The following CNKSR2 variants were observed in gnomAD, a reference collection of about 807,000 sequenced individuals.
CNKSR2 encodes connector enhancer of kinase suppressor of Ras 2.
Under a neutral mutation model 84.4 loss-of-function variants are expected in CNKSR2, and 14 were observed. The observed-to-expected ratio is 0.17, with a 90% confidence interval of 0.11 to 0.26. The LOEUF is 0.26. CNKSR2 is among the 10% of genes least tolerant of loss of function. CNKSR2 has a pLI of 1.00. For synonymous variants in CNKSR2, 275 were observed against 277.9 expected, an observed-to-expected ratio of 0.99 and a Z score of 0.10; for missense variants, 485 against 771.2, an observed-to-expected ratio of 0.63 and a Z score of 4.40.
At chrX:21,586,861 C>G (rs1442731163) in intron 13 of CNKSR2, among the ~76,000 whole-genome samples, 1 of 111,270 alleles carries the variant, frequency 9.0e-6, no homozygotes, top group Non-Finnish European at 1.9e-5. Context: ...TAAAAGGCAT[C>G]GCAGAAATAT....
Position 21,374,630 on chromosome X carries a change from A to AGCCGCC in CNKSR2, c.-255_-250dup, listed in dbSNP as rs76791548. On this transcript the variant is annotated 5_prime_UTR_variant, in exon 1 of 22. Coordinates refer to ENST00000379510, the MANE Select transcript of CNKSR2 (RefSeq NM_014927.5). ...CAGCAGCAGCAGCAGCAGCAGCAGC[A>AGCCGCC]GCCGCCGCCGCCGCCGCCTTAGCGG... is the stretch of plus-strand genomic sequence containing the variant. 3,271 of 444,676 alleles carry AGCCGCC rather than the reference A, an allele frequency of 7.4e-3. 14 individuals are homozygous for AGCCGCC. The highest frequency in any genetic ancestry group is 0.023 in the South Asian group (799 of 34,725). The allele number at this position is 444,676 out of a possible 1,213,427, so 36.6% of individuals were successfully genotyped here. A position where few individuals can be genotyped will look rare whatever the true frequency, so the allele number is the denominator to read the frequency against.
At chrX:21,634,131 A>G (rs1401489781) in intron 20 of CNKSR2, among the ~76,000 whole-genome samples, 2 of 112,221 alleles carry the variant, frequency 1.8e-5, no homozygotes, top group Admixed American at 9.5e-5. Context: ...AATAATTTGA[A>G]TGTTGGAATA....
intron 20 of CNKSR2, among the ~76,000 whole-genome samples, chrX:21,636,923 CAT>C (rs1379575521): frequency 9.9e-5 from 11 of 111,244 alleles, no homozygotes; most frequent in African/African-American, 3.6e-4. Flanking sequence ...ATGACAGTAT[CAT>C]GTGTCAAAAT....
intron 20 of CNKSR2, among the ~76,000 whole-genome samples, chrX:21,639,885 A>G (rs917737843): frequency 2.7e-5 from 3 of 111,147 alleles, no homozygotes; most frequent in Non-Finnish European, 5.7e-5. Context: ...GGGCCCAGAA[A>G]TCTGTGTTTA....
intron 5 of CNKSR2, among the ~76,000 whole-genome samples, chrX:21,482,679 T>A (rs1392041644): frequency 8.9e-6 from 1 of 112,130 alleles, no homozygotes; most frequent in East Asian, 2.8e-4. Flanking sequence ...AAGGGCAGCA[T>A]GCTCAGTGTC....
Position 21,649,018 on chromosome X carries a change from C to T in CNKSR2, c.2880C>T (p.Ser960=). ...EKLHRLRILK[S]TLKAREGEVA... ...TACACCGGCTGAGAATTCTCAAAAG[C>T]ACTTTAAAGGTAAGACAAGAAATGG... Residue 960 remains serine (S), a synonymous_variant, in exon 21 of 22, where the codon AGC becomes AGT. Coordinates refer to ENST00000379510, the MANE Select transcript of CNKSR2 (RefSeq NM_014927.5). 1 of 1,187,814 alleles carries T rather than the reference C, an allele frequency of 8.4e-7. No individual in the cohort carries two copies. Among genetic ancestry groups the T allele is most frequent in the Non-Finnish European group, 1.1e-6 (1 of 879,366 alleles).
intron 1 of CNKSR2, among the ~76,000 whole-genome samples, chrX:21,412,340 T>C (rs1400925505): frequency 1.8e-5 from 2 of 112,372 alleles, no homozygotes; most frequent in Non-Finnish European, 3.8e-5. Flanking sequence ...TTGGCAAAGA[T>C]GACTGACTAA....
In CNKSR2 at chrX:21,482,939, C is replaced by A. The variant is rs778439305; in HGVS notation, c.562-7520C>A. The stretch of plus-strand genomic sequence containing the variant: ...AGTTCACATGACCTTTATTTACTTG[C>A]AACTATTTGCTTTCTCAAGCTATTT... On this transcript the variant is annotated intron_variant, in intron 5 of 21. Coordinates refer to ENST00000379510, the MANE Select transcript of CNKSR2 (RefSeq NM_014927.5). Among the ~76,000 whole-genome samples, 3 of 111,815 alleles carry A rather than the reference C, an allele frequency of 2.7e-5. No homozygotes were observed. In the East Asian group the frequency reaches 8.4e-4, roughly 31 times the overall value.
chrX:21,602,487 A>C, intron 18 of CNKSR2, among the ~76,000 whole-genome samples: 1 of 111,863 alleles, frequency 8.9e-6, no homozygotes, highest in Admixed American at 9.5e-5. Context: ...AACACCTGAA[A>C]ACTAAAGTTT....
intron 5 of CNKSR2, among the ~76,000 whole-genome samples, chrX:21,485,580 A>G (rs897634225): frequency 8.7e-4 from 95 of 109,129 alleles, no homozygotes; most frequent in Non-Finnish European, 9.6e-4. Context: ...ACTACCTGAG[A>G]AAAAAAACAC....
rs867821073 is a variant in CNKSR2 at position 21,585,299 on chromosome X, A to G, written c.1609-5273A>G. Among the ~76,000 whole-genome samples the G allele has an allele frequency of 1.4e-4, 15 of 105,575 alleles. No homozygotes were observed. The South Asian group carries it at 5.6e-3, about 39-fold the overall frequency. The allele number at this position is 105,575 out of a possible 115,157, so 91.7% of individuals were successfully genotyped here. The stretch of plus-strand genomic sequence containing the variant: ...TTATATAATATATGTATAAATTCAT[A>G]ATATATATAGTATAAATATATTAGA... On this transcript the variant is annotated intron_variant, in intron 13 of 21. Coordinates refer to ENST00000379510, the MANE Select transcript of CNKSR2 (RefSeq NM_014927.5).
intron 3 of CNKSR2, among the ~76,000 whole-genome samples, chrX:21,438,438 A>G (rs1282823451): frequency 8.9e-6 from 1 of 111,847 alleles, no homozygotes; most frequent in Non-Finnish European, 1.9e-5. Flanking sequence ...TAAAACCACT[A>G]GAAAAAGAAA....
chrX:21,448,202 A>G (rs1474262986), intron 4 of CNKSR2, among the ~76,000 whole-genome samples: 2 of 111,578 alleles, frequency 1.8e-5, no homozygotes, highest in Non-Finnish European at 3.8e-5. Context: ...TTTATAGGTG[A>G]TAACAGCCCA....
intron 4 of CNKSR2, among the ~76,000 whole-genome samples, chrX:21,447,133 G>A (rs1000367119): frequency 6.3e-5 from 7 of 111,397 alleles, no homozygotes; most frequent in African/African-American, 2.0e-4. Context: ...TTCAATTTAT[G>A]TATTTCTGAA....
chrX:21,499,982 G>A (rs2091542701), intron 7 of CNKSR2, among the ~76,000 whole-genome samples: 1 of 111,001 alleles, frequency 9.0e-6, no homozygotes, highest in Admixed American at 9.6e-5. Context: ...AGGATCAGTT[G>A]TGAACCAAAT....
chrX:21,595,535 G>T (rs899240857), intron 17 of CNKSR2, 140 bp downstream of exon 17: 1 of 343,344 alleles, frequency 2.9e-6, no homozygotes. Flanking sequence ...GCTCCATGCA[G>T]CCATATCTAA....
At chrX:21,551,477 GA>G (rs967259648) in intron 11 of CNKSR2, among the ~76,000 whole-genome samples, 12 of 111,687 alleles carry the variant, frequency 1.1e-4, no homozygotes, top group African/African-American at 2.3e-4. Flanking sequence ...TATGAGGGGG[GA>G]AAAAAACCTC....
chrX:21,452,157 C>A (rs768881927), intron 4 of CNKSR2, among the ~76,000 whole-genome samples: 1 of 111,892 alleles, frequency 8.9e-6, no homozygotes, highest in East Asian at 2.8e-4. Flanking sequence ...GTGGCGCAAT[C>A]TCGGCTCACT....
intron 5 of CNKSR2, among the ~76,000 whole-genome samples, chrX:21,478,057 T>C (rs939480576): frequency 2.7e-5 from 3 of 111,527 alleles, no homozygotes; most frequent in Non-Finnish European, 5.7e-5. Context: ...ATATAAATTA[T>C]GGTCAGTCTC....
Sources: gnomAD v4.1 joint callset for allele counts (sites outside exome capture counted in the v4.1 genomes callset) on GRCh38, gnomAD v4.1.1 for gene constraint, MANE v1.5 for transcripts, NCBI Gene and HGNC (gene_info 2026-07-23, HGNC 2026-07-21) for gene names.